Variants in PIGZ observed in about 807,000 individuals in gnomAD.
The protein encoded by PIGZ is phosphatidylinositol glycan anchor biosynthesis class Z (Gwada blood group), also known as GPI alpha-1,2-mannosyltransferase 4.
A neutral mutation model predicts 16.4 loss-of-function variants in PIGZ; 16 were observed. The observed-to-expected ratio is 0.97, with a 90% CI of 0.66 to 1.48. PIGZ has a LOEUF of 1.48. Among genes scored for constraint, PIGZ ranks in the 40% most tolerant of loss-of-function variants. PIGZ has a pLI of 0.00. For missense variants in PIGZ, 770 were observed against 739.2 expected (o/e 1.04, Z -0.48); for synonymous variants, 409 against 338.4 (o/e 1.21, Z -2.29).
At chr3:196,948,873 TTCCTTCC>T (rs1717082683) in intron 2 of PIGZ, among the ~76,000 whole-genome samples, 188 bp from the exon 3 acceptor site, 2 of 52,684 alleles carry the variant, frequency 3.8e-5, no homozygotes, top group African/African-American at 9.3e-5. Context: ...CTTCCCTTCC[TTCCTTCC>T]CTTCCTTCCC....
rs538625509 is a variant in PIGZ at position 196,947,999 on chromosome 3, T to G, written c.898A>C (p.Asn300His). Reference protein sequence around the residue: ...VLTPVNFLHYNLNPQNLARHG... With the variant: ...VLTPVNFLHYHLNPQNLARHG... Reference sequence around the variant, plus strand: ...CTCGCCAGGTTTTGGGGATTCAGGTTGTAGTGCAAGAAGTTGACAGGTGTC... The same window carrying G: ...CTCGCCAGGTTTTGGGGATTCAGGTGGTAGTGCAAGAAGTTGACAGGTGTC... Residue 300 changes from asparagine (N) to histidine (H), a missense_variant, in exon 3 of 3, where the codon AAC becomes CAC. By Grantham distance (68) the Asn-to-His change is moderately conservative. Transcript: ENST00000412723. 1 of 1,602,640 alleles carries G rather than the reference T, an allele frequency of 6.2e-7. No individual in the cohort carries two copies. The highest frequency in any genetic ancestry group is 8.5e-7 in the Non-Finnish European group (1 of 1,172,440).
chr3:196,960,344 A>G (rs1160568171), intron 1 of PIGZ, among the ~76,000 whole-genome samples: 2 of 152,206 alleles, frequency 1.3e-5, no homozygotes, highest in Non-Finnish European at 1.5e-5. Context: ...GCTGTAGCCA[A>G]TAGGCCCTTA....
At chr3:196,954,310 A>T (rs1394065378) in intron 1 of PIGZ, among the ~76,000 whole-genome samples, 5 of 152,168 alleles carry the variant, frequency 3.3e-5, no homozygotes, top group African/African-American at 2.4e-5. Context: ...AGTTTTTTTT[A>T]AAAAGAAAAC....
chr3:196,960,664 G>C (rs1442831996), intron 1 of PIGZ, among the ~76,000 whole-genome samples: 2 of 145,348 alleles, frequency 1.4e-5, no homozygotes, highest in Non-Finnish European at 1.5e-5. Flanking sequence ...GCAAGAACCT[G>C]TCTCAAAAAA....
In PIGZ at chr3:196,948,518, C is replaced by G. The variant is rs768348072; in HGVS notation, c.379G>C (p.Val127Leu). The G allele has an allele frequency of 6.2e-7, 1 of 1,612,076 alleles. No individual in the cohort carries two copies. Among genetic ancestry groups the G allele is most frequent in the Non-Finnish European group, 8.5e-7 (1 of 1,179,128 alleles). Residue 127 changes from valine to leucine, a missense_variant, in exon 3 of 3, where the codon GTG becomes CTG. By Grantham distance (32) the Val-to-Leu change is conservative. Transcript: ENST00000412723. ...PGLVSGYALLVGPRLLLTALS... is the reference protein window; with the variant it reads ...PGLVSGYALLLGPRLLLTALS... Reference sequence around the variant, plus strand: ...GCAGTGAGGAGGAGTCGAGGCCCCACCAGCAGCGCATAGCCGCTCACCAGG... The same window carrying G: ...GCAGTGAGGAGGAGTCGAGGCCCCAGCAGCAGCGCATAGCCGCTCACCAGG...
chr3:196,968,045 C>T (rs1018146749), intron 1 of PIGZ, among the ~76,000 whole-genome samples: 1 of 152,212 alleles, frequency 6.6e-6, no homozygotes, highest in African/African-American at 2.4e-5. Context: ...CTTTCCCGGC[C>T]ACACTGTGAG....
intron 1 of PIGZ, among the ~76,000 whole-genome samples, chr3:196,958,899 A>AG (rs1299629940): frequency 1.3e-5 from 2 of 151,696 alleles, no homozygotes; most frequent in Admixed American, 6.6e-5. Flanking sequence ...GATTTGGGGG[A>AG]GGGGGGCAGG....
rs147329590 is a variant in PIGZ, at chr3:196,948,073, G to A, written c.824C>T (p.Thr275Met). ...AALTAAVFVA[T>M]DSWYFSSPAT... ...GGGGCTGGAGAAATACCAGCTGTCCGTGGCCACAAACACCGCTGCTGTGAG... is the reference window on the plus strand; with the variant it reads ...GGGGCTGGAGAAATACCAGCTGTCCATGGCCACAAACACCGCTGCTGTGAG... The change falls in exon 3 of 3, where the codon ACG (threonine) becomes ATG (methionine). Residue 275 changes from threonine (T) to methionine (M), a missense_variant. Coordinates refer to ENST00000412723, the MANE Select transcript of PIGZ (RefSeq NM_025163.4). 324 of 1,587,940 alleles carry A rather than the reference G, an allele frequency of 2.0e-4. 1 individual carries two copies. The highest frequency in any genetic ancestry group is 1.6e-3 in the African/African-American group (116 of 74,472).
intron 1 of PIGZ, among the ~76,000 whole-genome samples, chr3:196,952,751 A>G (rs937105068): frequency 6.6e-6 from 1 of 152,168 alleles, no homozygotes; most frequent in Non-Finnish European, 1.5e-5. Flanking sequence ...TAGCCTTTGA[A>G]TTGGTAGACT....
chr3:196,948,112 A>G lies in PIGZ; in HGVS notation c.785T>C (p.Leu262Pro), dbSNP rs759681526. 6.3e-7 allele frequency: 1 copy of G among 1,598,242 alleles called. No homozygotes were observed. Among genetic ancestry groups the G allele is most frequent in the Non-Finnish European group, 8.5e-7 (1 of 1,170,586 alleles). The part of the protein sequence containing the change: ...KSLTREALVL[L>P]PGAALTAAVF... The stretch of plus-strand genomic sequence containing the variant: ...CGCTGCTGTGAGGGCTGCCCCAGGG[A>G]GCAGCACCAGGGCCTCCCGGGTCAG... The change falls in exon 3 of 3, where the codon CTC becomes CCC. Residue 262 changes from leucine (L) to proline (P), a missense_variant. Transcript: ENST00000412723.
intron 2 of PIGZ, among the ~76,000 whole-genome samples, 193 bp from the exon 3 acceptor site, chr3:196,948,878 TCCCTTCCTTC>T (rs553539906): frequency 3.5e-4 from 7 of 20,088 alleles, no homozygotes; most frequent in Non-Finnish European, 5.0e-4. Context: ...CTTCCTTCCT[TCCCTTCCTTC>T]CCCTTCCTTC....
chr3:196,951,375 A>G (rs557935322), intron 2 of PIGZ, among the ~76,000 whole-genome samples: 1 of 152,264 alleles, frequency 6.6e-6, no homozygotes, highest in East Asian at 1.9e-4. Context: ...TGTGTCCCAC[A>G]CCGCCTAACA....
chr3:196,947,835 C>T lies in PIGZ; in HGVS notation c.1062G>A (p.Leu354=). 1 of 1,612,194 alleles carries T rather than the reference C, an allele frequency of 6.2e-7. No individual in the cohort carries two copies. The highest frequency in any genetic ancestry group is 1.7e-4 in the Middle Eastern group (1 of 6,048). Residue 354 remains leucine, a synonymous_variant, in exon 3 of 3, where the codon CTG becomes CTA. Transcript: ENST00000412723. ...GCAGGCTCCGGGCACCCAGTGCCCT[C>T]AGGAGGCCCATTTGTGCAGAGGCCT... ...GLQASAQMGL[L]RALGARSLLS... is the part of the protein sequence containing the mutation.
At chr3:196,958,903 G>T (rs1717604051) in intron 1 of PIGZ, among the ~76,000 whole-genome samples, 1 of 152,080 alleles carries the variant, frequency 6.6e-6, no homozygotes, top group Admixed American at 6.6e-5. Context: ...TGGGGGAGGG[G>T]GGCAGGAAAC....
At chr3:196,960,738 A>AGAAG (rs138315565) in intron 1 of PIGZ, among the ~76,000 whole-genome samples, 2 of 7,996 alleles carry the variant, frequency 2.5e-4, no homozygotes, top group African/African-American at 2.1e-3. Context: ...AGAAAGAAAG[A>AGAAG]GAAAGAAAGA....
chr3:196,951,204 T>G (rs964453946), intron 2 of PIGZ, among the ~76,000 whole-genome samples: 2 of 152,220 alleles, frequency 1.3e-5, no homozygotes, highest in Non-Finnish European at 2.9e-5. Flanking sequence ...AGAGAAGTAA[T>G]GCCCTTCTCC....
chr3:196,955,042 C>CAGCTG (rs960585295), intron 1 of PIGZ, among the ~76,000 whole-genome samples: 5 of 152,286 alleles, frequency 3.3e-5, no homozygotes, highest in African/African-American at 9.6e-5. Context: ...CCTCTGACCT[C>CAGCTG]AGCCTCCTGA....
At chr3:196,967,857 A>T (rs918280465) in intron 1 of PIGZ, among the ~76,000 whole-genome samples, 2 of 152,230 alleles carry the variant, frequency 1.3e-5, no homozygotes, top group Admixed American at 1.3e-4. Context: ...AGGGCGCACC[A>T]TTTAACCACC....
At chr3:196,967,142 C>T (rs1717962493) in intron 1 of PIGZ, among the ~76,000 whole-genome samples, 1 of 145,744 alleles carries the variant, frequency 6.9e-6, no homozygotes. Flanking sequence ...AGCACATCTG[C>T]GGGGCGGGAG....
Sources: allele counts gnomAD v4.1 joint callset (sites outside exome capture counted in the v4.1 genomes callset), GRCh38; gene constraint gnomAD v4.1.1; transcripts MANE v1.5; gene names NCBI Gene and HGNC (gene_info 2026-07-23, HGNC 2026-07-21).